The following ZNF267 variants were observed in gnomAD, a reference collection of about 807,000 sequenced individuals.
ZNF267 encodes zinc finger protein 267.
In ZNF267, 61 loss-of-function variants were observed where a neutral mutation model predicts 71.6. The observed-to-expected ratio is 0.85, with a 90% CI of 0.69 to 1.05. ZNF267 has a LOEUF of 1.05. ZNF267 is among the 50% of genes least tolerant of loss of function. The probability of loss-of-function intolerance (pLI) is 0.00; values close to 1 mark genes in which losing one functional copy is unlikely to be tolerated. For synonymous variants in ZNF267, 288 were observed against 293.2 expected, an observed-to-expected ratio of 0.98 and a Z score of 0.18; for missense variants, 852 against 870.0, an observed-to-expected ratio of 0.98 and a Z score of 0.26.
chr16:31,878,078 C>T (rs1395317339), intron 1 of ZNF267, among the ~76,000 whole-genome samples: 2 of 152,034 alleles, frequency 1.3e-5, no homozygotes, highest in East Asian at 3.9e-4. Flanking sequence ...GTGGGGCCTG[C>T]GCTGACTCTG....
intron 1 of ZNF267, among the ~76,000 whole-genome samples, chr16:31,883,990 G>T (rs967105848): frequency 1.6e-4 from 25 of 152,228 alleles, no homozygotes. Flanking sequence ...AGTGAGCCAA[G>T]ATTCAACCAC....
intron 3 of ZNF267, among the ~76,000 whole-genome samples, chr16:31,894,191 T>A (rs1463327342): frequency 1.3e-5 from 2 of 152,252 alleles, no homozygotes; most frequent in Non-Finnish European, 2.9e-5. Flanking sequence ...AATTTGGAGT[T>A]CATTTCTTCA....
chr16:31,898,418 A>G (rs1219141572), intron 3 of ZNF267, among the ~76,000 whole-genome samples: 3 of 152,024 alleles, frequency 2.0e-5, no homozygotes, highest in South Asian at 2.1e-4. Context: ...TGTCTTGTGA[A>G]TGATTTAATT....
At chr16:31,900,418 ATT>A (rs2084030483) in intron 3 of ZNF267, among the ~76,000 whole-genome samples, 1 of 152,014 alleles carries the variant, frequency 6.6e-6, no homozygotes, top group African/African-American at 2.4e-5. Context: ...ATATAAATTC[ATT>A]TAGCTTTTAT....
chr16:31,906,863 C>T (rs1308439564), intron 3 of ZNF267, among the ~76,000 whole-genome samples: 2 of 151,944 alleles, frequency 1.3e-5, no homozygotes, highest in Admixed American at 6.6e-5. Context: ...CCGTCTTCTG[C>T]GTGGCTCAGG....
At position 31,885,076 on chromosome 16, in the gene ZNF267, G is replaced by T; in HGVS notation, c.131-85G>T. The T allele has an allele frequency of 2.7e-6, 3 of 1,114,010 alleles. No individual in the cohort carries two copies. The East Asian group carries it at 7.9e-5, about 29-fold the overall frequency. 69.0% of individuals were successfully genotyped at this position (1,114,010 alleles called of 1,614,324 possible). On this transcript the variant is annotated intron_variant, in intron 2 of 3. Coordinates refer to ENST00000300870, the MANE Select transcript of ZNF267 (RefSeq NM_003414.6). ...CAGTACTAAGTTAGAAATTAATCCTGTCCTGTGGGGCCAAAAAAAAGTATA... is the reference window on the plus strand; with the variant it reads ...CAGTACTAAGTTAGAAATTAATCCTTTCCTGTGGGGCCAAAAAAAAGTATA...
chr16:31,915,458 T>C lies in ZNF267; in HGVS notation c.1209T>C (p.Thr403=), dbSNP rs772214726. The C allele has an allele frequency of 3.7e-6, 6 of 1,613,964 alleles. No individual in the cohort carries two copies. The highest frequency in any genetic ancestry group is 1.7e-4 in the Middle Eastern group (1 of 6,056). The change falls in exon 4 of 4, where the codon ACT becomes ACC. Residue 403 remains threonine, a synonymous_variant. Coordinates refer to ENST00000300870, the MANE Select transcript of ZNF267 (RefSeq NM_003414.6). ...TTATTGTGCATCAGAGAATTCACAC[T>C]GGAGAGAAACCATACAAATGTAAAG... is the stretch of plus-strand genomic sequence containing the variant. ...SNLIVHQRIH[T]GEKPYKCKEC... is the part of the protein sequence containing the mutation.
At chr16:31,904,551 T>G (rs1169448821) in intron 3 of ZNF267, among the ~76,000 whole-genome samples, 1 of 152,240 alleles carries the variant, frequency 6.6e-6, no homozygotes, top group Non-Finnish European at 1.5e-5. Context: ...TGGCCTTCTT[T>G]CTCTCTTTGG....
At chr16:31,876,312 A>C (rs1286754049) in intron 1 of ZNF267, among the ~76,000 whole-genome samples, 1 of 152,168 alleles carries the variant, frequency 6.6e-6, no homozygotes, top group African/African-American at 2.4e-5. Context: ...TCCTGGGCTC[A>C]AGTGATCCTC....
intron 1 of ZNF267, chr16:31,875,370 C>G: frequency 8.2e-7 from 1 of 1,224,898 alleles, no homozygotes; most frequent in Non-Finnish European, 1.0e-6. Context: ...TCCTGGGACA[C>G]CCTTAACCTA....
At chr16:31,904,134 G>A (rs186087789) in intron 3 of ZNF267, among the ~76,000 whole-genome samples, 3 of 152,360 alleles carry the variant, frequency 2.0e-5, no homozygotes, top group Admixed American at 1.3e-4. Context: ...TAGTTGGATT[G>A]CACTGTGGTG....
intron 3 of ZNF267, among the ~76,000 whole-genome samples, chr16:31,900,124 G>T (rs2084028026): frequency 6.6e-6 from 1 of 150,678 alleles, no homozygotes. Context: ...ATATTTCCAT[G>T]TAATTAGTAA....
rs139850426 is a variant in ZNF267 at position 31,873,888 on chromosome 16, C to T, written c.-79C>T. 9 of 1,601,030 alleles carry T rather than the reference C, an allele frequency of 5.6e-6. No homozygotes were observed. The highest frequency in any genetic ancestry group is 4.0e-5 in the African/African-American group (3 of 74,654). On this transcript the variant is annotated 5_prime_UTR_variant, in exon 1 of 4. Coordinates refer to ENST00000300870, the MANE Select transcript of ZNF267 (RefSeq NM_003414.6). ...GGCGGCTTCGCGTTCTGAGAATAAA[C>T]AGAACCTCTGTTGCTCTGCGACTTG...
intron 1 of ZNF267, among the ~76,000 whole-genome samples, chr16:31,883,272 A>G (rs766560380): frequency 2.0e-5 from 3 of 152,278 alleles, no homozygotes; most frequent in Non-Finnish European, 4.4e-5. Context: ...CATTGTATGT[A>G]TTGGTCTTTA....
chr16:31,875,204 A>G lies in ZNF267; in HGVS notation c.3+1235A>G, dbSNP rs964549108. On this transcript the variant is annotated intron_variant, in intron 1 of 3. Transcript: ENST00000300870. ...TCTTTTCCTGTTCCTGAATTTCAGA[A>G]CTGTCTGGGATGACTCAAGATGCCC... The G allele has an allele frequency of 2.3e-6, 3 of 1,289,034 alleles. No homozygotes were observed. In the African/African-American group the frequency reaches 4.6e-5, roughly 20 times the overall value. The allele number at this position is 1,289,034 out of a possible 1,614,324, so 79.8% of individuals were successfully genotyped here. A position where few individuals can be genotyped will look rare whatever the true frequency, so the allele number is the denominator to read the frequency against.
intron 3 of ZNF267, among the ~76,000 whole-genome samples, chr16:31,891,305 G>A (rs933206193): frequency 2.0e-5 from 3 of 151,932 alleles, no homozygotes; most frequent in African/African-American, 4.8e-5. Flanking sequence ...ATTATTGTAG[G>A]TATACTTATT....
chr16:31,904,303 C>T (rs2084068809), intron 3 of ZNF267, among the ~76,000 whole-genome samples: 1 of 152,154 alleles, frequency 6.6e-6, no homozygotes, highest in South Asian at 2.1e-4. Flanking sequence ...TCTATTAGGT[C>T]CGCTTGGTGC....
At chr16:31,891,620 G>A (rs1258598420) in intron 3 of ZNF267, among the ~76,000 whole-genome samples, 4 of 152,146 alleles carry the variant, frequency 2.6e-5, no homozygotes, top group African/African-American at 9.7e-5. Flanking sequence ...AGTCTCACGA[G>A]ATCTGATGGT....
chr16:31,879,224 T>C (rs1367560695), intron 1 of ZNF267, among the ~76,000 whole-genome samples: 1 of 152,236 alleles, frequency 6.6e-6, no homozygotes, highest in African/African-American at 2.4e-5. Flanking sequence ...TTCCTTTGAC[T>C]ATAGCCAATT....
Sources: allele counts gnomAD v4.1 joint callset (sites outside exome capture counted in the v4.1 genomes callset), GRCh38; gene constraint gnomAD v4.1.1; transcripts MANE v1.5; gene names NCBI Gene and HGNC (gene_info 2026-07-23, HGNC 2026-07-21).